BTD: variants seen among roughly 807,000 people sequenced by gnomAD.
The protein encoded by BTD is biocytinase.
Under a neutral mutation model 17.7 loss-of-function variants are expected in BTD, and 13 were observed. The observed-to-expected ratio is 0.74, with a 90% confidence interval of 0.48 to 1.17. The LOEUF (loss-of-function observed/expected upper bound fraction) is 1.17. Ranked by LOEUF, BTD falls within the 50% of genes most tolerant of loss-of-function variation. The pLI is 0.00. For synonymous variants in BTD, 240 were observed against 245.2 expected (o/e 0.98, Z 0.20); for missense variants, 674 against 650.4 (o/e 1.04, Z -0.39).
intron 3 of BTD, chr3:15,676,126 A>G: frequency 1.8e-6 from 1 of 564,476 alleles, no homozygotes; most frequent in Non-Finnish European, 3.0e-6. Context: ...AGTCCTAATA[A>G]CAAAGATGGG....
At chr3:15,675,185 C>T (rs11128750) in intron 3 of BTD, among the ~76,000 whole-genome samples, 70,828 of 151,946 alleles carry the variant, frequency 0.47, 19,359 homozygotes, top group Non-Finnish European at 0.6. Flanking sequence ...GCATGAGAAT[C>T]GCTTGAACCC....
chr3:15,612,455 G>A (rs1229578154), intron 1 of BTD, among the ~76,000 whole-genome samples: 1 of 152,084 alleles, frequency 6.6e-6, no homozygotes, highest in Non-Finnish European at 1.5e-5. Flanking sequence ...TGATGTTATT[G>A]TAGTAAAGTC....
In BTD at chr3:15,625,031, G is replaced by A. The variant is rs202202639; in HGVS notation, c.-16-10393G>A. Among the ~76,000 whole-genome samples the A allele has an allele frequency of 2.6e-5, 4 of 152,052 alleles. No homozygotes were observed. In the East Asian group the frequency reaches 7.7e-4, roughly 29 times the overall value. On this transcript the variant is annotated intron_variant, in intron 1 of 3. Coordinates refer to ENST00000643237, the MANE Select transcript of BTD (RefSeq NM_001370658.1). ...GAGCCACCGCACCTGGCCTAACTCTGGTTCTGATGCCTGCTCTGTTTTCAA... is the reference window on the plus strand; with the variant it reads ...GAGCCACCGCACCTGGCCTAACTCTAGTTCTGATGCCTGCTCTGTTTTCAA...
chr3:15,617,015 G>A (rs953295349), intron 1 of BTD, among the ~76,000 whole-genome samples: 1 of 152,074 alleles, frequency 6.6e-6, no homozygotes, highest in Admixed American at 6.5e-5. Context: ...TGTATTTTTA[G>A]TAGAGACGGG....
chr3:15,696,818 AAT>A (rs1283845124), intron 3 of BTD, among the ~76,000 whole-genome samples: 1 of 152,160 alleles, frequency 6.6e-6, no homozygotes, highest in Non-Finnish European at 1.5e-5. Flanking sequence ...GTGATAATAA[AAT>A]ATGAGGAAAA....
At chr3:15,631,254 T>A (rs2065196805) in intron 1 of BTD, among the ~76,000 whole-genome samples, 1 of 152,238 alleles carries the variant, frequency 6.6e-6, no homozygotes, top group East Asian at 1.9e-4. Flanking sequence ...CTGCCAACTT[T>A]TCCTGCCTCC....
intron 1 of BTD, among the ~76,000 whole-genome samples, chr3:15,605,512 A>G (rs1319943013): frequency 2.0e-5 from 3 of 152,200 alleles, no homozygotes; most frequent in African/African-American, 7.2e-5. Context: ...ACTTCTTTCA[A>G]GTCTCAGAGT....
rs1338569934 is a variant in BTD, at chr3:15,601,829, T to A, written c.-82T>A. ...GTCTCCGAGTCGGCCAGCTGGAGCG[T>A]TTTCGGGGCTGTAAAGGGAGAATGG... On this transcript the variant is annotated 5_prime_UTR_variant, in exon 1 of 4. Transcript: ENST00000643237. 4 of 1,613,892 alleles carry A rather than the reference T, an allele frequency of 2.5e-6. No individual in the cohort carries two copies. In the African/African-American group the frequency reaches 4.0e-5, roughly 16 times the overall value.
rs565954616 is a variant in BTD at position 15,635,139 on chromosome 3, A to T, written c.-16-285A>T. Among the ~76,000 whole-genome samples, 1 of 152,262 alleles carries T rather than the reference A, an allele frequency of 6.6e-6. No homozygotes were observed. Among genetic ancestry groups the T allele is most frequent in the Non-Finnish European group, 1.5e-5 (1 of 68,050 alleles). ...AGAAAAGTGGGTAGTGACGCACTACAGTCTTGCTGAACACTGGGTAAGAAA... is the reference window on the plus strand; with the variant it reads ...AGAAAAGTGGGTAGTGACGCACTACTGTCTTGCTGAACACTGGGTAAGAAA... On this transcript the variant is annotated intron_variant, in intron 1 of 3. Coordinates refer to ENST00000643237, the MANE Select transcript of BTD (RefSeq NM_001370658.1). The surrounding 1 kb of genome is among the most constrained non-coding windows in gnomAD (Gnocchi z 4.1).
chr3:15,702,456 C>A (rs2070754588), intron 3 of BTD, among the ~76,000 whole-genome samples: 1 of 152,010 alleles, frequency 6.6e-6, no homozygotes, highest in Non-Finnish European at 1.5e-5. Context: ...CATAATCTGT[C>A]CTCTGAAATA....
At chr3:15,621,085 C>T (rs2064939749) in intron 1 of BTD, among the ~76,000 whole-genome samples, 1 of 152,218 alleles carries the variant, frequency 6.6e-6, no homozygotes, top group Admixed American at 6.5e-5. Flanking sequence ...AACACACTTG[C>T]TTTTTCTGTT....
intron 1 of BTD, among the ~76,000 whole-genome samples, chr3:15,634,496 G>A (rs2065292795): frequency 6.6e-6 from 1 of 152,190 alleles, no homozygotes; most frequent in Admixed American, 6.5e-5. Flanking sequence ...AATGCACACT[G>A]TTTAGAAAGA....
At chr3:15,632,472 T>C (rs1047013405) in intron 1 of BTD, 6 of 152,272 alleles carry the variant, frequency 3.9e-5, no homozygotes, top group African/African-American at 1.4e-4. Context: ...GTTGCCTCAA[T>C]TGTGCTTTCA....
Position 15,646,691 on chromosome 3 carries a change from T to C in BTD, c.*1203T>C, listed in dbSNP as rs1214221615. 6.6e-6 allele frequency: 1 copy of C among 152,268 alleles called. No homozygotes were observed. The allele number at this position is 152,268 out of a possible 1,614,324, so 9.4% of individuals were successfully genotyped here. On this transcript the variant is annotated 3_prime_UTR_variant, in exon 4 of 4. Coordinates refer to ENST00000643237, the MANE Select transcript of BTD (RefSeq NM_001370658.1). The stretch of plus-strand genomic sequence containing the variant: ...ATTTTTTAAGTACAGAATGGATAAT[T>C]AGTCTTCAGTGATTTGCCTCTTAAA...
intron 3 of BTD, among the ~76,000 whole-genome samples, chr3:15,674,521 T>A (rs1378139773): frequency 6.6e-6 from 1 of 152,178 alleles, no homozygotes; most frequent in Non-Finnish European, 1.5e-5. Context: ...AAGCTGTTTA[T>A]CAGACATCCA....
intron 3 of BTD, chr3:15,675,797 C>A: frequency 3.0e-6 from 3 of 1,013,466 alleles, no homozygotes; most frequent in Non-Finnish European, 4.2e-6. Context: ...CTTTAGCTCT[C>A]CTCTTTGACC....
chr3:15,645,145 G>C lies in BTD; in HGVS notation c.1229G>C (p.Arg410Thr). ...CTCTGCTGTTATTTACTTTACGAGAGGCCCACCTTATCCAAAGAGCTGTAT... is the reference window on the plus strand; with the variant it reads ...CTCTGCTGTTATTTACTTTACGAGACGCCCACCTTATCCAAAGAGCTGTAT... ...NGLCCYLLYE[R>T]PTLSKELYAL... Residue 410 changes from arginine to threonine, a missense_variant, in exon 4 of 4, where the codon AGG (arginine) becomes ACG (threonine). Arg to Thr is a moderately conservative substitution (Grantham distance 71). Transcript: ENST00000643237. 1.2e-6 allele frequency: 2 copies of C among 1,614,152 alleles called. No individual in the cohort carries two copies. Among genetic ancestry groups the C allele is most frequent in the Non-Finnish European group, 1.7e-6 (2 of 1,180,034 alleles).
At chr3:15,677,662 C>A in intron 3 of BTD, 1 of 793,666 alleles carries the variant, frequency 1.3e-6, no homozygotes, top group East Asian at 2.7e-5. Flanking sequence ...CAAAAAAGTC[C>A]CTCTCACAAA....
intron 1 of BTD, among the ~76,000 whole-genome samples, chr3:15,627,506 G>A (rs1422015173): frequency 1.3e-5 from 2 of 152,142 alleles, no homozygotes; most frequent in East Asian, 1.9e-4. Flanking sequence ...GGGATTACAG[G>A]CATTAGTTAC....
Sources: gnomAD v4.1 joint callset for allele counts (sites outside exome capture counted in the v4.1 genomes callset) on GRCh38, gnomAD v4.1.1 for gene constraint, Gnocchi (gnomAD v3.1) non-coding constraint, MANE v1.5 for transcripts, NCBI Gene and HGNC (gene_info 2026-07-23, HGNC 2026-07-21) for gene names.